Variants in HIVEP3 observed in about 807,000 individuals in gnomAD.
The protein encoded by HIVEP3 is transcription factor HIVEP3.
HIVEP3 carries 49 observed loss-of-function variants against 152.8 expected under a neutral mutation model. The ratio of observed to expected loss-of-function variants is 0.32; its 90% CI spans 0.26 to 0.41. The LOEUF (loss-of-function observed/expected upper bound fraction) is 0.41, where lower values mean the gene tolerates loss of function less well. HIVEP3 is among the 10% of genes least tolerant of loss of function. HIVEP3 has a pLI of 1.00. For synonymous variants in HIVEP3, 1,269 were observed against 1,289.0 expected (o/e 0.98, Z 0.33); for missense variants, 2,790 against 3,103.3 (o/e 0.90, Z 2.40).
At chr1:41,885,792 C>T (rs960342689) in intron 1 of HIVEP3, among the ~76,000 whole-genome samples, 1 of 149,224 alleles carries the variant, frequency 6.7e-6, no homozygotes. Context: ...CATTCCCTCC[C>T]TCCCTCCCTT....
At chr1:41,947,202 C>T (rs950526177) in intron 1 of HIVEP3, among the ~76,000 whole-genome samples, 2 of 152,206 alleles carry the variant, frequency 1.3e-5, no homozygotes, top group Non-Finnish European at 2.9e-5. Flanking sequence ...GTTCTCATAC[C>T]TGGACACTCT....
At chr1:42,034,677 G>C (rs1281987997) in intron 1 of HIVEP3, among the ~76,000 whole-genome samples, 2 of 152,316 alleles carry the variant, frequency 1.3e-5, no homozygotes, top group East Asian at 3.9e-4. Context: ...AAGATAGGGA[G>C]AGAATGAGAA....
At chr1:41,654,103 T>C (rs550370323) in intron 2 of HIVEP3, among the ~76,000 whole-genome samples, 36 of 152,278 alleles carry the variant, frequency 2.4e-4, no homozygotes, top group African/African-American at 7.2e-4. Context: ...TCACTTGATA[T>C]AGCTCTACAA....
intron 1 of HIVEP3, among the ~76,000 whole-genome samples, chr1:41,788,357 C>A (rs1326754408): frequency 2.0e-5 from 3 of 152,236 alleles, no homozygotes; most frequent in African/African-American, 7.2e-5. Context: ...AGGAGCCAGT[C>A]TGGGCTGCAT....
At chr1:41,731,646 C>T (rs1017771082) in intron 1 of HIVEP3, among the ~76,000 whole-genome samples, 8 of 152,156 alleles carry the variant, frequency 5.3e-5, no homozygotes, top group Admixed American at 2.0e-4. Context: ...TATGGAGATG[C>T]CCATGTGGGG....
intron 1 of HIVEP3, among the ~76,000 whole-genome samples, chr1:41,733,730 T>G (rs1206862213): frequency 3.9e-5 from 6 of 152,208 alleles, no homozygotes; most frequent in Non-Finnish European, 5.9e-5. Context: ...ACCAAGGGAC[T>G]GGAAAGAGGA....
At chr1:41,612,561 T>C (rs1644913493) in intron 3 of HIVEP3, among the ~76,000 whole-genome samples, 1 of 152,066 alleles carries the variant, frequency 6.6e-6, no homozygotes, top group South Asian at 2.1e-4. Flanking sequence ...TTCAGAGAGG[T>C]GGAAAGTGGC....
upstream of HIVEP3, among the ~76,000 whole-genome samples, chr1:41,923,892 T>C (rs1644953666): frequency 6.6e-6 from 1 of 152,162 alleles, no homozygotes; most frequent in Non-Finnish European, 1.5e-5. Context: ...AATCATAGAA[T>C]TCTATGAAGT....
intron 1 of HIVEP3, among the ~76,000 whole-genome samples, chr1:41,975,408 T>C (rs1645253929): frequency 6.6e-6 from 1 of 152,190 alleles, no homozygotes; most frequent in African/African-American, 2.4e-5. Context: ...GCAGCAGGAA[T>C]GCCCACCACA....
chr1:41,785,018 G>A (rs945867854), intron 1 of HIVEP3, among the ~76,000 whole-genome samples: 1 of 152,124 alleles, frequency 6.6e-6, no homozygotes, highest in African/African-American at 2.4e-5. Context: ...GATCCCCCAA[G>A]AGGGCAGCAA....
intron 1 of HIVEP3, among the ~76,000 whole-genome samples, chr1:41,914,089 A>G (rs1029577668): frequency 6.6e-6 from 1 of 152,152 alleles, no homozygotes; most frequent in African/African-American, 2.4e-5. Context: ...TGCACCTGGC[A>G]TTTCAAAAAC....
chr1:41,951,015 C>A (rs912914092), intron 1 of HIVEP3, among the ~76,000 whole-genome samples: 1 of 152,206 alleles, frequency 6.6e-6, no homozygotes, highest in Non-Finnish European at 1.5e-5. Context: ...AGGAAGAAAA[C>A]TAATTAGAAT....
chr1:41,776,752 A>G (rs1648729021), intron 1 of HIVEP3, among the ~76,000 whole-genome samples: 1 of 152,192 alleles, frequency 6.6e-6, no homozygotes, highest in African/African-American at 2.4e-5. Context: ...GGCTTCAGAG[A>G]AGGAAGTTCT....
At chr1:41,751,805 A>G (rs1214000155) in intron 1 of HIVEP3, among the ~76,000 whole-genome samples, 1 of 152,146 alleles carries the variant, frequency 6.6e-6, no homozygotes, top group Non-Finnish European at 1.5e-5. Context: ...CAAGTGACCA[A>G]AGTGAATCCA....
chr1:41,571,982 G>A (rs1489937460), intron 5 of HIVEP3, among the ~76,000 whole-genome samples: 1 of 152,186 alleles, frequency 6.6e-6, no homozygotes, highest in Non-Finnish European at 1.5e-5. Flanking sequence ...CTGAGTCACT[G>A]ACTACTTCAT....
At chr1:41,823,087 AAAG>A (rs1350782599) in intron 1 of HIVEP3, among the ~76,000 whole-genome samples, 2 of 152,184 alleles carry the variant, frequency 1.3e-5, no homozygotes, top group African/African-American at 2.4e-5. Context: ...GGCCTTATAA[AAAG>A]AAGGAGAGCA....
chr1:41,677,791 G>A (rs911368096), intron 2 of HIVEP3, among the ~76,000 whole-genome samples: 1 of 152,208 alleles, frequency 6.6e-6, no homozygotes, highest in African/African-American at 2.4e-5. Context: ...CGGGCGGTCA[G>A]GTGAGTCCGC....
intron 3 of HIVEP3, among the ~76,000 whole-genome samples, chr1:41,600,718 A>G (rs1478340464): frequency 3.9e-5 from 6 of 152,204 alleles, no homozygotes; most frequent in African/African-American, 9.6e-5. Context: ...TAAAATAGCA[A>G]AAGATTTTAA....
chr1:41,899,346 T>G (rs1644582981), intron 1 of HIVEP3, among the ~76,000 whole-genome samples: 1 of 152,212 alleles, frequency 6.6e-6, no homozygotes, highest in Non-Finnish European at 1.5e-5. Context: ...ACGTTTATAC[T>G]CTCCTGATGA....
Sources: gnomAD v4.1 joint callset for allele counts (sites outside exome capture counted in the v4.1 genomes callset) on GRCh38, gnomAD v4.1.1 for gene constraint, MANE v1.5 for transcripts, NCBI Gene and HGNC (gene_info 2026-07-23, HGNC 2026-07-21) for gene names.